MAGI2: variants seen among roughly 807,000 people sequenced by gnomAD.
The protein encoded by MAGI2 is membrane associated guanylate kinase, WW and PDZ domain containing 2, also known as membrane-associated guanylate kinase, WW and PDZ domain-containing protein 2.
Under a neutral mutation model 133.3 loss-of-function variants are expected in MAGI2, and 35 were observed. The observed-to-expected ratio is 0.26, with a 90% CI of 0.20 to 0.35. MAGI2 has a LOEUF of 0.35. Among genes scored for constraint, MAGI2 ranks in the 10% least tolerant of loss-of-function variants. MAGI2 has a pLI of 1.00. For synonymous variants in MAGI2, 729 were observed against 710.6 expected (o/e 1.03, Z -0.41); for missense variants, 1,636 against 1,863.4 (o/e 0.88, Z 2.25).
intron 2 of MAGI2, among the ~76,000 whole-genome samples, chr7:78,960,198 G>A (rs180679987): frequency 6.6e-6 from 1 of 152,102 alleles, no homozygotes; most frequent in Non-Finnish European, 1.5e-5. Context: ...GCAGGAAAGG[G>A]ATGTGTGGGG....
intron 1 of MAGI2, among the ~76,000 whole-genome samples, chr7:79,423,455 T>A (rs1847119712): frequency 6.6e-6 from 1 of 152,062 alleles, no homozygotes; most frequent in Admixed American, 6.6e-5. Flanking sequence ...TTCAAAGATG[T>A]AATACTAAAT....
intron 2 of MAGI2, among the ~76,000 whole-genome samples, chr7:78,783,010 AC>A (rs1290552448): frequency 7.9e-5 from 8 of 101,870 alleles, no homozygotes; most frequent in Non-Finnish European, 1.2e-4. Flanking sequence ...AATGATTCTT[AC>A]CTTTTTTTTT....
intron 6 of MAGI2, among the ~76,000 whole-genome samples, chr7:78,427,804 T>C (rs948716829): frequency 7.2e-5 from 11 of 152,158 alleles, no homozygotes; most frequent in African/African-American, 2.7e-4. Context: ...GGCTGTATAA[T>C]CATATCTACA....
chr7:78,275,918 C>A (rs191632542), intron 9 of MAGI2, among the ~76,000 whole-genome samples: 1 of 152,218 alleles, frequency 6.6e-6, no homozygotes, highest in Admixed American at 6.5e-5. Flanking sequence ...TTTTTGTACA[C>A]TGTATTTTCA....
intron 3 of MAGI2, among the ~76,000 whole-genome samples, chr7:78,579,289 A>G (rs1802593060): frequency 6.6e-6 from 1 of 152,188 alleles, no homozygotes; most frequent in South Asian, 2.1e-4. Flanking sequence ...GGTGCTAAAT[A>G]CATATCAGAT....
At chr7:79,112,285 G>A (rs1818997470) in intron 1 of MAGI2, among the ~76,000 whole-genome samples, 2 of 152,126 alleles carry the variant, frequency 1.3e-5, no homozygotes, top group African/African-American at 4.8e-5. Context: ...TTTGGGGCAA[G>A]TCTATTCGCA....
At chr7:78,215,303 T>A (rs551006277) in intron 10 of MAGI2, among the ~76,000 whole-genome samples, 71 of 152,272 alleles carry the variant, frequency 4.7e-4, no homozygotes, top group Middle Eastern at 3.4e-3. Flanking sequence ...GCATTCTCGG[T>A]TGTGCCTGCT....
chr7:78,418,380 A>C (rs142719289), intron 6 of MAGI2, among the ~76,000 whole-genome samples: 1 of 152,268 alleles, frequency 6.6e-6, no homozygotes, highest in Non-Finnish European at 1.5e-5. Flanking sequence ...AAGGCAGGAA[A>C]GGTGAACATA....
chr7:78,494,139 CCTGA>C (rs1253419718), intron 5 of MAGI2, among the ~76,000 whole-genome samples: 1 of 151,832 alleles, frequency 6.6e-6, no homozygotes, highest in African/African-American at 2.4e-5. Flanking sequence ...ATGCCACATA[CCTGA>C]CTAATTTTTT....
chr7:79,011,916 C>CTTT (rs1562785249), intron 1 of MAGI2, among the ~76,000 whole-genome samples: 3 of 128,250 alleles, frequency 2.3e-5, no homozygotes, highest in African/African-American at 9.6e-5. Flanking sequence ...TTCCTTCCTT[C>CTTT]CTTCCTTCCT....
chr7:78,807,840 A>G lies in MAGI2; in HGVS notation c.419-180601T>C, dbSNP rs541230308. ...GATACCGTGCTTCAGGTATCACACTAAGGCCTTTGAACATTTCATCTCATC... is the reference window on the plus strand; with the variant it reads ...GATACCGTGCTTCAGGTATCACACTGAGGCCTTTGAACATTTCATCTCATC... On this transcript the variant is annotated intron_variant, in intron 2 of 21. Transcript: ENST00000354212. 7.9e-5 allele frequency among the ~76,000 whole-genome samples: 12 copies of G among 152,026 alleles called. No individual in the cohort carries two copies. The South Asian group carries it at 1.7e-3, about 21-fold the overall frequency.
At chr7:79,017,010 C>G (rs1441489452) in intron 1 of MAGI2, among the ~76,000 whole-genome samples, 1 of 152,382 alleles carries the variant, frequency 6.6e-6, no homozygotes, top group East Asian at 1.9e-4. Flanking sequence ...GGTGCCCTGC[C>G]AACACTGCTG....
At chr7:78,436,316 T>C (rs1343345165) in intron 6 of MAGI2, among the ~76,000 whole-genome samples, 1 of 151,044 alleles carries the variant, frequency 6.6e-6, no homozygotes, top group African/African-American at 2.4e-5. Flanking sequence ...ACCAATGAGG[T>C]GAAAGCCACT....
intron 3 of MAGI2, among the ~76,000 whole-genome samples, chr7:78,531,645 C>G (rs770280106): frequency 6.6e-6 from 1 of 152,142 alleles, no homozygotes; most frequent in Non-Finnish European, 1.5e-5. Context: ...TCAGCAGATT[C>G]TTGTGATAGT....
chr7:78,192,845 G>GGCA (rs199591039), intron 12 of MAGI2, among the ~76,000 whole-genome samples: 1 of 152,140 alleles, frequency 6.6e-6, no homozygotes, highest in Admixed American at 6.5e-5. Context: ...GTTGTGATGA[G>GGCA]GCAGCAGCAG....
intron 1 of MAGI2, among the ~76,000 whole-genome samples, chr7:79,393,308 A>T (rs1329941009): frequency 1.3e-5 from 2 of 152,190 alleles, no homozygotes; most frequent in Non-Finnish European, 2.9e-5. Flanking sequence ...CTAAATATGC[A>T]CCCAAAATTT....
chr7:78,325,523 C>T (rs1472424749), intron 9 of MAGI2, among the ~76,000 whole-genome samples: 1 of 152,216 alleles, frequency 6.6e-6, no homozygotes, highest in East Asian at 1.9e-4. Flanking sequence ...ATACTTGACT[C>T]GTTCTCCACC....
At chr7:79,143,937 A>G (rs1023777493) in intron 1 of MAGI2, among the ~76,000 whole-genome samples, 1 of 152,198 alleles carries the variant, frequency 6.6e-6, no homozygotes, top group African/African-American at 2.4e-5. Flanking sequence ...TGGAGTAGGA[A>G]GAAAGGAATT....
intron 2 of MAGI2, among the ~76,000 whole-genome samples, chr7:78,697,343 CT>C (rs1817628005): frequency 1.3e-5 from 2 of 152,134 alleles, no homozygotes; most frequent in Non-Finnish European, 2.9e-5. Flanking sequence ...GCTTCTCAGT[CT>C]GCTTTCTCAT....
Sources: gnomAD v4.1 joint callset for allele counts (sites outside exome capture counted in the v4.1 genomes callset) on GRCh38, gnomAD v4.1.1 for gene constraint, MANE v1.5 for transcripts, NCBI Gene and HGNC (gene_info 2026-07-23, HGNC 2026-07-21) for gene names.